POC1B: variants seen among roughly 807,000 people sequenced by gnomAD.
POC1B encodes POC1 centriolar protein homolog B.
POC1B carries 44 observed loss-of-function variants against 60.6 expected under a neutral mutation model. The ratio of observed to expected loss-of-function variants is 0.73; its 90% confidence interval spans 0.57 to 0.93. POC1B has a LOEUF of 0.93. Among genes scored for constraint, POC1B ranks in the 40% least tolerant of loss-of-function variants. The pLI, the probability that POC1B is intolerant of heterozygous loss-of-function variation, is 0.00. For synonymous variants in POC1B, 180 were observed against 198.9 expected (o/e 0.90, Z 0.80); for missense variants, 555 against 572.3 (o/e 0.97, Z 0.31).
intron 2 of POC1B, chr12:89,522,144 A>G (rs1870937786): frequency 2.5e-6 from 1 of 398,854 alleles, no homozygotes; most frequent in Non-Finnish European, 4.4e-6. Flanking sequence ...CCAATAGCTC[A>G]AGTTTACAAA....
intron 5 of POC1B, 35 bp from the exon 6 acceptor site, chr12:89,471,764 A>ATTTC: frequency 9.1e-7 from 1 of 1,097,634 alleles, no homozygotes. Context: ...TAATATTTCA[A>ATTTC]TTTCTTTTTT....
the POC1B span, among the ~76,000 whole-genome samples, chr12:89,403,027 AGAT>A: frequency 2.8e-5 from 4 of 142,758 alleles, no homozygotes. Flanking sequence ...TTTTTTTTTG[AGAT>A]GGAGTCTTAC....
At chr12:89,512,107 A>G (rs1346942806) in intron 2 of POC1B, among the ~76,000 whole-genome samples, 3 of 152,226 alleles carry the variant, frequency 2.0e-5, no homozygotes, top group Non-Finnish European at 4.4e-5. Context: ...ATAAAAAGAC[A>G]ATATTCCAAT....
At chr12:89,422,254 C>T (rs755395519) in intron 11 of POC1B, among the ~76,000 whole-genome samples, 1 of 152,168 alleles carries the variant, frequency 6.6e-6, no homozygotes, top group African/African-American at 2.4e-5. Context: ...ACTATCCTGA[C>T]CTTTACAATG....
At chr12:89,478,274 A>G (rs1883195704) in intron 4 of POC1B, among the ~76,000 whole-genome samples, 1 of 152,062 alleles carries the variant, frequency 6.6e-6, no homozygotes, top group South Asian at 2.1e-4. Flanking sequence ...ATGTGCCACC[A>G]TATCTGGCTA....
At chr12:89,412,899 C>A in the POC1B span, among the ~76,000 whole-genome samples, 1 of 150,964 alleles carries the variant, frequency 6.6e-6, no homozygotes, top group East Asian at 2.0e-4. Flanking sequence ...TCCTTCCCTC[C>A]CTTCCTCCCT....
chr12:89,467,747 G>A, intron 7 of POC1B, 62 bp from the exon 8 acceptor site: 1 of 1,287,980 alleles, frequency 7.8e-7, no homozygotes, highest in Non-Finnish European at 1.1e-6. Context: ...TGGCCAAGAA[G>A]ACTATGGATA....
chr12:89,404,771 T>G, the POC1B span, among the ~76,000 whole-genome samples: 4 of 152,120 alleles, frequency 2.6e-5, no homozygotes, highest in Non-Finnish European at 5.9e-5. Flanking sequence ...TTACCTAAAA[T>G]AAACCAGATG....
intron 4 of POC1B, among the ~76,000 whole-genome samples, chr12:89,489,818 A>G (rs937163): frequency 0.73 from 110,871 of 152,024 alleles, 40,559 homozygotes; most frequent in Middle Eastern, 0.82. Flanking sequence ...TGCCTAGAAC[A>G]TATGTTTGTA....
In POC1B at chr12:89,467,722, G is replaced by A. The variant is rs534466059; in HGVS notation, c.811-37C>T. The A allele has an allele frequency of 7.4e-5, 112 of 1,507,254 alleles. No individual in the cohort carries two copies. The South Asian group carries it at 1.2e-3, about 16-fold the overall frequency. 93.4% of individuals were successfully genotyped at this position (1,507,254 alleles called of 1,614,324 possible). A position where few individuals can be genotyped will look rare whatever the true frequency, so the allele number is the denominator to read the frequency against. ...AGGGAAATAAAGAAAAAAAGTACTT[G>A]GTAATGCTTTCTCATGGCCAAGAAG... On this transcript the variant is annotated intron_variant, in intron 7 of 11. Transcript: ENST00000313546.
At chr12:89,437,319 C>A (rs1362797554) in intron 10 of POC1B, among the ~76,000 whole-genome samples, 3 of 152,122 alleles carry the variant, frequency 2.0e-5, no homozygotes, top group East Asian at 3.9e-4. Context: ...AATCCAAATA[C>A]CTCCAAAAAC....
chr12:89,485,371 T>C (rs564682018), intron 4 of POC1B: 1 of 152,320 alleles, frequency 6.6e-6, no homozygotes, highest in South Asian at 2.1e-4. Flanking sequence ...TATATTATAA[T>C]ACATGCATGA....
chr12:89,434,325 A>C (rs1881162093), intron 10 of POC1B, among the ~76,000 whole-genome samples: 1 of 152,260 alleles, frequency 6.6e-6, no homozygotes, highest in Non-Finnish European at 1.5e-5. Flanking sequence ...ATCAACTGAA[A>C]TATCCAAATG....
intron 10 of POC1B, among the ~76,000 whole-genome samples, chr12:89,436,367 T>C (rs910243014): frequency 3.3e-5 from 5 of 152,188 alleles, no homozygotes; most frequent in African/African-American, 1.2e-4. Flanking sequence ...TGATGGGCTT[T>C]ATCCATTTAA....
At chr12:89,425,450 A>G in intron 10 of POC1B, 71 bp from the exon 11 acceptor site, 1 of 1,227,896 alleles carries the variant, frequency 8.1e-7, no homozygotes, top group African/African-American at 1.5e-5. Flanking sequence ...TAAAAGTTTA[A>G]AATATTCCTC....
At chr12:89,517,616 G>C (rs1160986236) in intron 2 of POC1B, among the ~76,000 whole-genome samples, 1 of 151,746 alleles carries the variant, frequency 6.6e-6, no homozygotes, top group Non-Finnish European at 1.5e-5. Context: ...CTGGGCAACA[G>C]AGTGAGACTT....
chr12:89,496,746 A>G (rs1019463414), intron 3 of POC1B, among the ~76,000 whole-genome samples: 1 of 152,164 alleles, frequency 6.6e-6, no homozygotes, highest in African/African-American at 2.4e-5. Context: ...ATAATGAGTG[A>G]TACAAATCAA....
intron 10 of POC1B, among the ~76,000 whole-genome samples, chr12:89,443,102 G>T (rs186921858): frequency 6.6e-6 from 1 of 152,156 alleles, no homozygotes; most frequent in Non-Finnish European, 1.5e-5. Context: ...GATTCATAAA[G>T]CAAGTCCTTA....
intron 10 of POC1B, among the ~76,000 whole-genome samples, chr12:89,457,375 AAAAG>A (rs775361338): frequency 1.3e-5 from 2 of 152,236 alleles, no homozygotes; most frequent in Non-Finnish European, 2.9e-5. Context: ...TCATTGAACT[AAAAG>A]AAAGAGATAC....
Sources: allele counts gnomAD v4.1 joint callset (sites outside exome capture counted in the v4.1 genomes callset), GRCh38; gene constraint gnomAD v4.1.1; transcripts MANE v1.5; gene names NCBI Gene and HGNC (gene_info 2026-07-23, HGNC 2026-07-21).